Variants in VTI1A observed in about 807,000 individuals in gnomAD.
VTI1A encodes the protein vesicle transport through interaction with t-SNAREs 1A, also known as vesicle transport through interaction with t-SNAREs homolog 1A.
In VTI1A, 22 loss-of-function variants were observed where a neutral mutation model predicts 34.9. The ratio of observed to expected loss-of-function variants is 0.63; its 90% CI spans 0.45 to 0.90. VTI1A has a LOEUF of 0.90. VTI1A is among the 40% of genes least tolerant of loss of function. The pLI, the probability that VTI1A is intolerant of heterozygous loss-of-function variation, is 0.00. For missense variants in VTI1A, 268 were observed against 275.6 expected (o/e 0.97, Z 0.20); for synonymous variants, 87 against 97.3 (o/e 0.89, Z 0.62).
At chr10:112,713,667 T>G (rs947728281) in intron 7 of VTI1A, among the ~76,000 whole-genome samples, 4 of 152,180 alleles carry the variant, frequency 2.6e-5, no homozygotes, top group African/African-American at 9.6e-5. Context: ...TGTAAGTAAT[T>G]ATACATAGTC....
chr10:112,551,536 G>A (rs1255392919), intron 5 of VTI1A, among the ~76,000 whole-genome samples: 2 of 152,068 alleles, frequency 1.3e-5, no homozygotes, highest in Non-Finnish European at 2.9e-5. Flanking sequence ...CACCTGAAAG[G>A]GAAAATAGAT....
intron 5 of VTI1A, among the ~76,000 whole-genome samples, chr10:112,611,805 T>C (rs1331762729): frequency 4.1e-5 from 6 of 145,532 alleles, no homozygotes; most frequent in Admixed American, 7.0e-5. Flanking sequence ...CCAGTAGCGC[T>C]ATCTCAGCTC....
chr10:112,568,813 C>T (rs1277662410), intron 5 of VTI1A, among the ~76,000 whole-genome samples: 1 of 152,112 alleles, frequency 6.6e-6, no homozygotes, highest in East Asian at 1.9e-4. Context: ...TCTCCTTTGA[C>T]CACCTTTCTA....
At chr10:112,698,886 T>C (rs1354670233) in intron 7 of VTI1A, among the ~76,000 whole-genome samples, 2 of 152,208 alleles carry the variant, frequency 1.3e-5, no homozygotes, top group African/African-American at 2.4e-5. Context: ...TGCCAGATGA[T>C]GTCCACACTT....
intron 3 of VTI1A, chr10:112,464,892 T>TATTTA: frequency 1.8e-6 from 1 of 548,390 alleles, no homozygotes; most frequent in Non-Finnish European, 3.2e-6. Flanking sequence ...GCCCTTTGAG[T>TATTTA]CTGAATGGTA....
chr10:112,740,532 G>A (rs1850658393), intron 7 of VTI1A, among the ~76,000 whole-genome samples: 1 of 152,228 alleles, frequency 6.6e-6, no homozygotes, highest in African/African-American at 2.4e-5. Flanking sequence ...TGATCTGCCT[G>A]CTTTGGCCTC....
At chr10:112,680,299 A>T (rs1848169619) in intron 7 of VTI1A, among the ~76,000 whole-genome samples, 1 of 152,164 alleles carries the variant, frequency 6.6e-6, no homozygotes, top group Non-Finnish European at 1.5e-5. Flanking sequence ...ACAGTCACAT[A>T]TATTATTTTT....
chr10:112,684,545 T>C lies in VTI1A; in HGVS notation c.560+15547T>C, dbSNP rs188598403. Reference sequence around the variant, plus strand: ...CCTCCGCCTCCTGGGTTCAAGAGATTCTCCTGCCTCAGCCTCCTAAGTAGC... The same window carrying C: ...CCTCCGCCTCCTGGGTTCAAGAGATCCTCCTGCCTCAGCCTCCTAAGTAGC... On this transcript the variant is annotated intron_variant, in intron 7 of 7. Coordinates refer to ENST00000393077, the MANE Select transcript of VTI1A (RefSeq NM_145206.4). Among the ~76,000 whole-genome samples the C allele has an allele frequency of 1.7e-4, 26 of 152,058 alleles. 1 individual carries two copies. Among genetic ancestry groups the C allele is most frequent in the African/African-American group, 6.0e-4 (25 of 41,422 alleles).
intron 5 of VTI1A, among the ~76,000 whole-genome samples, chr10:112,612,204 C>A (rs1037042988): frequency 6.6e-6 from 1 of 152,052 alleles, no homozygotes; most frequent in Non-Finnish European, 1.5e-5. Context: ...TATTATCAAT[C>A]GGGTACCCAA....
At chr10:112,770,400 CTT>C (rs746161033) in intron 7 of VTI1A, among the ~76,000 whole-genome samples, 2 of 143,958 alleles carry the variant, frequency 1.4e-5, no homozygotes. Flanking sequence ...TTTCTTTTTT[CTT>C]TTTTTTTTTT....
At chr10:112,754,719 G>A (rs1459964691) in intron 7 of VTI1A, among the ~76,000 whole-genome samples, 1 of 152,152 alleles carries the variant, frequency 6.6e-6, no homozygotes, top group Middle Eastern at 3.2e-3. Flanking sequence ...CTGGCAGCTG[G>A]CCAGGCACCC....
intron 7 of VTI1A, among the ~76,000 whole-genome samples, chr10:112,751,274 G>A (rs1426366841): frequency 6.6e-6 from 1 of 152,156 alleles, no homozygotes; most frequent in African/African-American, 2.4e-5. Context: ...TGGGAATGTG[G>A]TGTGTGTTTT....
intron 7 of VTI1A, among the ~76,000 whole-genome samples, chr10:112,811,754 G>A (rs889158299): frequency 2.8e-5 from 4 of 144,926 alleles, no homozygotes; most frequent in Non-Finnish European, 6.0e-5. Context: ...ACTGGCTATT[G>A]GAGAACACTC....
intron 7 of VTI1A, among the ~76,000 whole-genome samples, chr10:112,671,319 G>A (rs375631000): frequency 7.9e-5 from 12 of 152,276 alleles, no homozygotes; most frequent in African/African-American, 2.4e-4. Flanking sequence ...GTGTCAACAA[G>A]CGTTTCTGAT....
At chr10:112,664,955 C>T (rs1002154551) in intron 5 of VTI1A, among the ~76,000 whole-genome samples, 7 of 152,152 alleles carry the variant, frequency 4.6e-5, no homozygotes, top group African/African-American at 1.7e-4. Flanking sequence ...AAGACCCTCG[C>T]AGTCAACAAG....
chr10:112,738,921 G>A (rs780876126), intron 7 of VTI1A, among the ~76,000 whole-genome samples: 4 of 152,150 alleles, frequency 2.6e-5, no homozygotes, highest in Non-Finnish European at 4.4e-5. Context: ...GCATGATCCC[G>A]CAGTGAGGGC....
chr10:112,755,730 A>T (rs1851261099), intron 7 of VTI1A, among the ~76,000 whole-genome samples: 1 of 152,244 alleles, frequency 6.6e-6, no homozygotes, highest in Admixed American at 6.5e-5. Context: ...GCTTTTAAAC[A>T]AAAAATAATA....
intron 4 of VTI1A, among the ~76,000 whole-genome samples, chr10:112,527,996 C>G (rs1452689986): frequency 1.3e-5 from 2 of 151,998 alleles, no homozygotes; most frequent in African/African-American, 4.8e-5. Context: ...CAAAAAAGCC[C>G]TAATGACTGA....
chr10:112,648,646 G>T (rs1304057801), intron 5 of VTI1A, among the ~76,000 whole-genome samples: 2 of 152,124 alleles, frequency 1.3e-5, no homozygotes, highest in Non-Finnish European at 2.9e-5. Flanking sequence ...GTAAAGATTT[G>T]TTGTTGTTAT....
Sources: allele counts gnomAD v4.1 joint callset (sites outside exome capture counted in the v4.1 genomes callset), GRCh38; gene constraint gnomAD v4.1.1; transcripts MANE v1.5; gene names NCBI Gene and HGNC (gene_info 2026-07-23, HGNC 2026-07-21).